NRCAM: variants seen among roughly 807,000 people sequenced by gnomAD.
NRCAM encodes the protein neuronal cell adhesion molecule, also known as NgCAM-related cell adhesion molecule.
NRCAM carries 83 observed loss-of-function variants against 156.5 expected under a neutral mutation model. The observed-to-expected ratio is 0.53, with a 90% CI of 0.44 to 0.64. The LOEUF (loss-of-function observed/expected upper bound fraction) is 0.64. Ranked by LOEUF, NRCAM falls within the 30% of genes least tolerant of loss-of-function variation. NRCAM has a pLI of 0.00. For synonymous variants in NRCAM, 538 were observed against 563.9 expected (o/e 0.95, Z 0.65); for missense variants, 1,417 against 1,597.3 (o/e 0.89, Z 1.92).
intron 11 of NRCAM, among the ~76,000 whole-genome samples, chr7:108,217,209 T>C (rs538619610): frequency 3.2e-4 from 49 of 152,302 alleles, no homozygotes; most frequent in Non-Finnish European, 4.7e-4. Context: ...TTGCTGGAGG[T>C]CCACTCCAGA....
intron 2 of NRCAM, among the ~76,000 whole-genome samples, chr7:108,324,464 G>A (rs993911143): frequency 6.6e-6 from 1 of 152,062 alleles, no homozygotes; most frequent in African/African-American, 2.4e-5. Context: ...TGTTTAAAAG[G>A]GTTCAAACAG....
At chr7:108,335,637 G>C (rs1297559835) in intron 2 of NRCAM, among the ~76,000 whole-genome samples, 2 of 151,986 alleles carry the variant, frequency 1.3e-5, no homozygotes, top group African/African-American at 4.8e-5. Flanking sequence ...TATGTCCTTA[G>C]AGCTAATTCC....
At chr7:108,427,747 T>C (rs972055903) in intron 1 of NRCAM, among the ~76,000 whole-genome samples, 2 of 152,198 alleles carry the variant, frequency 1.3e-5, no homozygotes, top group African/African-American at 4.8e-5. Flanking sequence ...GCCAATTCTT[T>C]GTCTAGAAAT....
chr7:108,185,875 A>T (rs1293011735), intron 20 of NRCAM, among the ~76,000 whole-genome samples: 2 of 152,192 alleles, frequency 1.3e-5, no homozygotes, highest in African/African-American at 2.4e-5. Flanking sequence ...TAAATGTAAA[A>T]CGAAATTACT....
Position 108,223,791 on chromosome 7 carries a change from C to A in NRCAM, c.824G>T (p.Gly275Val). Residue 275 changes from glycine to valine, a missense_variant, in exon 11 of 33, where the codon GGC (glycine) becomes GTC (valine). This residue lies in a region of NRCAM where 1,238 missense variants were observed against 1,336.4 expected (regional missense o/e 0.93). Coordinates refer to ENST00000379028, the MANE Select transcript of NRCAM (RefSeq NM_001037132.4). Reference sequence around the variant, plus strand: ...TAATTCCTCTTTGTTACTTGCATTGCCTTCTGGAGTTAAAAATGTTGGTGG... The same window carrying A: ...TAATTCCTCTTTGTTACTTGCATTGACTTCTGGAGTTAAAAATGTTGGTGG... ...ERPPTFLTPE[G>V]NASNKEELRG... The A allele has an allele frequency of 6.2e-7, 1 of 1,611,594 alleles. No individual in the cohort carries two copies. Among genetic ancestry groups the A allele is most frequent in the Non-Finnish European group, 8.5e-7 (1 of 1,178,012 alleles).
At chr7:108,222,458 A>C (rs902524547) in intron 11 of NRCAM, among the ~76,000 whole-genome samples, 4 of 152,230 alleles carry the variant, frequency 2.6e-5, no homozygotes, top group African/African-American at 9.6e-5. Flanking sequence ...AGAAGTCATT[A>C]AATTGTGAGA....
At chr7:108,205,087 G>A (rs1284563703) in intron 13 of NRCAM, among the ~76,000 whole-genome samples, 1 of 152,186 alleles carries the variant, frequency 6.6e-6, no homozygotes, top group Non-Finnish European at 1.5e-5. Flanking sequence ...CAAAATTCAT[G>A]TTGAAACCTA....
At chr7:108,317,065 G>A (rs767348767) in intron 2 of NRCAM, among the ~76,000 whole-genome samples, 9 of 152,192 alleles carry the variant, frequency 5.9e-5, no homozygotes, top group Non-Finnish European at 1.0e-4. Context: ...CAATGCCAGT[G>A]TAACCTGAAA....
chr7:108,375,413 C>T (rs767243980), intron 2 of NRCAM, among the ~76,000 whole-genome samples: 1 of 152,030 alleles, frequency 6.6e-6, no homozygotes, highest in East Asian at 1.9e-4. Context: ...GACATTCATC[C>T]GCGTGATGGA....
intron 2 of NRCAM, among the ~76,000 whole-genome samples, chr7:108,368,223 T>TG (rs567741253): frequency 2.8e-5 from 1 of 35,168 alleles, no homozygotes; most frequent in Non-Finnish European, 7.5e-5. Flanking sequence ...CACACTTTCA[T>TG]ACCCCCCCCC....
intron 3 of NRCAM, among the ~76,000 whole-genome samples, chr7:108,278,979 A>G (rs897210277): frequency 6.6e-6 from 1 of 152,244 alleles, no homozygotes; most frequent in Non-Finnish European, 1.5e-5. Context: ...GAAAAAACTG[A>G]GGCTTGAAGA....
chr7:108,292,093 T>C (rs2098314816), intron 3 of NRCAM, among the ~76,000 whole-genome samples: 1 of 152,228 alleles, frequency 6.6e-6, no homozygotes. Context: ...TTCATTTTTC[T>C]TTTAGCCAGA....
rs185071394 is a variant in NRCAM, at chr7:108,258,500, A to G, written c.-106-18330T>C. On this transcript the variant is annotated intron_variant, in intron 3 of 32. Coordinates refer to ENST00000379028, the MANE Select transcript of NRCAM (RefSeq NM_001037132.4). The stretch of plus-strand genomic sequence containing the variant: ...TCAGAACAGTTTTGCCTATAAGGAC[A>G]TGAAGCCCAAATTTCCCATGTGACA... 1.1e-3 allele frequency among the ~76,000 whole-genome samples: 168 copies of G among 152,318 alleles called. 1 individual carries two copies. Among genetic ancestry groups the G allele is most frequent in the African/African-American group, 3.9e-3 (161 of 41,574 alleles).
At chr7:108,263,225 C>T (rs907270515) in intron 3 of NRCAM, among the ~76,000 whole-genome samples, 1 of 152,214 alleles carries the variant, frequency 6.6e-6, no homozygotes, top group African/African-American at 2.4e-5. Flanking sequence ...ATCTTATCTG[C>T]CTGCTTTATT....
At chr7:108,344,096 A>C (rs2099325311) in intron 2 of NRCAM, among the ~76,000 whole-genome samples, 1 of 152,184 alleles carries the variant, frequency 6.6e-6, no homozygotes, top group Non-Finnish European at 1.5e-5. Context: ...CCAATTCAGC[A>C]GGAAGCAGTT....
At chr7:108,389,085 A>G (rs2099751178) in intron 2 of NRCAM, among the ~76,000 whole-genome samples, 1 of 152,100 alleles carries the variant, frequency 6.6e-6, no homozygotes, top group Non-Finnish European at 1.5e-5. Flanking sequence ...GTTTTTTCCA[A>G]TTCTGTGAAG....
At chr7:108,249,686 T>C (rs1314985347) in intron 3 of NRCAM, among the ~76,000 whole-genome samples, 1 of 152,210 alleles carries the variant, frequency 6.6e-6, no homozygotes, top group Non-Finnish European at 1.5e-5. Context: ...AAAGCATGAA[T>C]GTTAGAAACA....
chr7:108,255,104 A>C (rs2096561864), intron 3 of NRCAM, among the ~76,000 whole-genome samples: 1 of 152,196 alleles, frequency 6.6e-6, no homozygotes, highest in South Asian at 2.1e-4. Context: ...GATATATGCA[A>C]CAACATGCGG....
chr7:108,174,455 AC>A (rs2059717707), intron 28 of NRCAM, among the ~76,000 whole-genome samples: 1 of 152,208 alleles, frequency 6.6e-6, no homozygotes, highest in South Asian at 2.1e-4. Flanking sequence ...AAAGCCCCTG[AC>A]CATGGGCATG....
Sources: gnomAD v4.1 joint callset for allele counts (sites outside exome capture counted in the v4.1 genomes callset) on GRCh38, gnomAD v4.1.1 for gene constraint, gnomAD v4.1.1 regional missense constraint, MANE v1.5 for transcripts, NCBI Gene and HGNC (gene_info 2026-07-23, HGNC 2026-07-21) for gene names.